The following CDH8 variants were observed in gnomAD, a reference collection of about 807,000 sequenced individuals.
The protein encoded by CDH8 is cadherin 8.
A neutral mutation model predicts 68.1 loss-of-function variants in CDH8; 17 were observed. The ratio of observed to expected loss-of-function variants is 0.25; its 90% CI spans 0.17 to 0.37. The LOEUF is 0.37. Ranked by LOEUF, CDH8 falls within the 10% of genes least tolerant of loss-of-function variation. The pLI is 1.00. For synonymous variants in CDH8, 372 were observed against 365.1 expected, an observed-to-expected ratio of 1.02 and a Z score of -0.21; for missense variants, 763 against 999.3, an observed-to-expected ratio of 0.76 and a Z score of 3.19.
At chr16:62,022,188 T>C (rs1014823801) in intron 1 of CDH8, among the ~76,000 whole-genome samples, 1 of 152,154 alleles carries the variant, frequency 6.6e-6, no homozygotes, top group Non-Finnish European at 1.5e-5. Flanking sequence ...CCCCAATTTT[T>C]ACAATCTTAG....
intron 2 of CDH8, among the ~76,000 whole-genome samples, chr16:61,989,777 A>G (rs1409585514): frequency 6.6e-6 from 1 of 152,198 alleles, no homozygotes; most frequent in Non-Finnish European, 1.5e-5. Flanking sequence ...TAAGCACTCT[A>G]CAAACATTAA....
At chr16:61,846,576 G>A (rs552603375) in intron 4 of CDH8, among the ~76,000 whole-genome samples, 47 of 152,232 alleles carry the variant, frequency 3.1e-4, no homozygotes, top group African/African-American at 1.1e-3. Context: ...CTGATTCAGC[G>A]GAGGTGGAAA....
intron 4 of CDH8, among the ~76,000 whole-genome samples, chr16:61,855,348 G>T (rs1241387645): frequency 6.6e-6 from 1 of 152,240 alleles, no homozygotes; most frequent in Admixed American, 6.5e-5. Context: ...TCACTTAGCA[G>T]GGGGCTTTTA....
At chr16:61,742,949 A>G (rs1362705622) in intron 8 of CDH8, among the ~76,000 whole-genome samples, 1 of 152,150 alleles carries the variant, frequency 6.6e-6, no homozygotes, top group Non-Finnish European at 1.5e-5. Context: ...GAAGTAATAG[A>G]CATATTTTTC....
intron 4 of CDH8, among the ~76,000 whole-genome samples, chr16:61,854,129 TACACACACAC>T (rs3069985): frequency 8.2e-5 from 12 of 145,626 alleles, no homozygotes; most frequent in South Asian, 2.2e-4. Flanking sequence ...CATATACACA[TACACACACAC>T]ACACACACAC....
At chr16:61,838,006 T>C (rs956744929) in intron 4 of CDH8, among the ~76,000 whole-genome samples, 3 of 152,114 alleles carry the variant, frequency 2.0e-5, no homozygotes, top group African/African-American at 7.2e-5. Flanking sequence ...AGAGAGTTAC[T>C]AAACAGAGGG....
At chr16:61,765,697 C>T (rs1306859764) in intron 8 of CDH8, among the ~76,000 whole-genome samples, 1 of 151,980 alleles carries the variant, frequency 6.6e-6, no homozygotes, top group Non-Finnish European at 1.5e-5. Flanking sequence ...TCATCTACCT[C>T]AACACAGTAC....
intron 7 of CDH8, among the ~76,000 whole-genome samples, chr16:61,801,397 T>C (rs2142997103): frequency 6.6e-6 from 1 of 152,282 alleles, no homozygotes; most frequent in East Asian, 1.9e-4. Flanking sequence ...TTCTATCCAA[T>C]ATGGTAACCA....
At chr16:61,791,688 G>C (rs900057168) in intron 7 of CDH8, among the ~76,000 whole-genome samples, 3 of 151,986 alleles carry the variant, frequency 2.0e-5, no homozygotes, top group Non-Finnish European at 4.4e-5. Flanking sequence ...TGGCTATTTG[G>C]TTGCTGTCCA....
At chr16:61,853,578 G>A (rs1169677164) in intron 4 of CDH8, among the ~76,000 whole-genome samples, 3 of 152,020 alleles carry the variant, frequency 2.0e-5, no homozygotes, top group African/African-American at 4.8e-5. Flanking sequence ...CCACATATGT[G>A]GTGATGTGTA....
At chr16:61,862,131 CCACTCA>C (rs1051168022) in intron 3 of CDH8, among the ~76,000 whole-genome samples, 8 of 115,014 alleles carry the variant, frequency 7.0e-5, no homozygotes, top group African/African-American at 2.6e-4. Flanking sequence ...CACACAAACA[CCACTCA>C]CACACACACA....
At position 61,751,663 on chromosome 16, in the gene CDH8, C is replaced by T. The variant is rs574232722; in HGVS notation, c.1415-24448G>A. ...ACTCTGAATTCAAATGCAAGGTTAG[C>T]TTAAAATTAACATGTTTTTCAACTG... On this transcript the variant is annotated intron_variant, in intron 8 of 11. Coordinates refer to ENST00000577390, the MANE Select transcript of CDH8 (RefSeq NM_001796.5). 1.6e-4 allele frequency among the ~76,000 whole-genome samples: 24 copies of T among 152,058 alleles called. No individual in the cohort carries two copies. In the South Asian group the frequency reaches 4.8e-3, roughly 30 times the overall value.
chr16:61,942,338 A>C (rs891037023), intron 2 of CDH8, among the ~76,000 whole-genome samples: 5 of 152,078 alleles, frequency 3.3e-5, no homozygotes, highest in African/African-American at 1.2e-4. Flanking sequence ...ACAAAAATAA[A>C]AATAAAAAAT....
At chr16:61,717,561 C>T (rs2142874794) in intron 9 of CDH8, among the ~76,000 whole-genome samples, 1 of 151,620 alleles carries the variant, frequency 6.6e-6, no homozygotes, top group South Asian at 2.1e-4. Flanking sequence ...ATTATAGTAG[C>T]AGAATATCAC....
chr16:61,665,484 C>T (rs1234485040), intron 10 of CDH8, among the ~76,000 whole-genome samples: 1 of 151,846 alleles, frequency 6.6e-6, no homozygotes, highest in Non-Finnish European at 1.5e-5. Flanking sequence ...AGGGAAACAT[C>T]ACACACCAGG....
At chr16:61,778,727 G>T (rs1177683700) in intron 8 of CDH8, among the ~76,000 whole-genome samples, 1 of 152,096 alleles carries the variant, frequency 6.6e-6, no homozygotes, top group Non-Finnish European at 1.5e-5. Flanking sequence ...CACAGACGAG[G>T]AAACTGAGAG....
At chr16:61,729,770 G>A (rs1377547335) in intron 8 of CDH8, among the ~76,000 whole-genome samples, 1 of 151,296 alleles carries the variant, frequency 6.6e-6, no homozygotes, top group African/African-American at 2.4e-5. Flanking sequence ...TTAATAAACT[G>A]CATGTACAGA....
Position 61,653,219 on chromosome 16 carries a change from A to T in CDH8, c.*389T>A. On this transcript the variant is annotated 3_prime_UTR_variant, in exon 12 of 12. Coordinates refer to ENST00000577390, the MANE Select transcript of CDH8 (RefSeq NM_001796.5). ...TCATAAAAATCCTTGCAGAAGACAC[A>T]TATCAGCAGCAGATTCCTTGCAGGT... is the stretch of plus-strand genomic sequence containing the variant. The T allele has an allele frequency of 8.3e-7, 1 of 1,199,496 alleles. No individual in the cohort carries two copies. The highest frequency in any genetic ancestry group is 1.0e-6 in the Non-Finnish European group (1 of 969,144). The allele number at this position is 1,199,496 out of a possible 1,614,324, so 74.3% of individuals were successfully genotyped here. A position where few individuals can be genotyped will look rare whatever the true frequency, so the allele number is the denominator to read the frequency against.
At position 61,921,005 on chromosome 16, in the gene CDH8, C is replaced by T. The variant is rs891903734; in HGVS notation, c.253-19532G>A. On this transcript the variant is annotated intron_variant, in intron 2 of 11. Transcript: ENST00000577390. ...CATTCTCAGTAAACTATCACAAGAA[C>T]AAAAAACCAAACACCGCATATTCTC... is the stretch of plus-strand genomic sequence containing the variant. Among the ~76,000 whole-genome samples, 9 of 147,468 alleles carry T rather than the reference C, an allele frequency of 6.1e-5. 1 individual carries two copies. Among genetic ancestry groups the T allele is most frequent in the African/African-American group, 2.3e-4 (9 of 39,778 alleles).
Sources: gnomAD v4.1 joint callset for allele counts (sites outside exome capture counted in the v4.1 genomes callset) on GRCh38, gnomAD v4.1.1 for gene constraint, MANE v1.5 for transcripts, NCBI Gene and HGNC (gene_info 2026-07-23, HGNC 2026-07-21) for gene names.